The following FRYL variants were observed in gnomAD, a reference collection of about 807,000 sequenced individuals.
The protein encoded by FRYL is protein furry homolog-like.
In FRYL, 150 loss-of-function variants were observed where a neutral mutation model predicts 351.2. The ratio of observed to expected loss-of-function variants is 0.43; its 90% confidence interval spans 0.37 to 0.49. FRYL has a LOEUF of 0.49. Ranked by LOEUF, FRYL falls within the 20% of genes least tolerant of loss-of-function variation. FRYL has a pLI of 0.00. For synonymous variants in FRYL, 1,153 were observed against 1,257.1 expected, an observed-to-expected ratio of 0.92 and a Z score of 1.75; for missense variants, 3,036 against 3,619.3, an observed-to-expected ratio of 0.84 and a Z score of 4.13.
intron 3 of FRYL, among the ~76,000 whole-genome samples, chr4:48,674,036 T>C (rs1763147770): frequency 6.6e-6 from 1 of 152,260 alleles, no homozygotes; most frequent in South Asian, 2.1e-4. Flanking sequence ...AAATGTATCA[T>C]TGTCTCTGTT....
At chr4:48,596,376 T>C (rs10030853) in intron 13 of FRYL, among the ~76,000 whole-genome samples, 78,123 of 151,968 alleles carry the variant, frequency 0.51, 20,550 homozygotes, top group South Asian at 0.62. Flanking sequence ...AATTCATTTG[T>C]AGCCCATATA....
intron 5 of FRYL, 41 bp from the exon 6 acceptor site, chr4:48,620,819 T>C: frequency 6.4e-7 from 1 of 1,550,884 alleles, no homozygotes; most frequent in African/African-American, 1.4e-5. Flanking sequence ...ATTGTAACAC[T>C]GAATGTACCA....
chr4:48,514,825 G>A (rs1040780203), intron 56 of FRYL, among the ~76,000 whole-genome samples: 11 of 152,140 alleles, frequency 7.2e-5, no homozygotes, highest in African/African-American at 2.2e-4. Context: ...GTCCATAATC[G>A]AAGAAATATC....
chr4:48,563,935 G>A lies in FRYL; in HGVS notation c.3596+13C>T, dbSNP rs1216303976. On this transcript the variant is annotated intron_variant, in intron 31 of 63. Coordinates refer to ENST00000358350, the MANE Select transcript of FRYL (RefSeq NM_015030.2). ...CAGAACAAAATGAAACAAAAAACCT[G>A]TATCTAAAGTACCTGTTCTGGAAAA... 1.3e-6 allele frequency: 2 copies of A among 1,597,436 alleles called. No individual in the cohort carries two copies. The highest frequency in any genetic ancestry group is 2.2e-5 in the East Asian group (1 of 44,812).
rs1553983293 is a variant in FRYL at position 48,702,773 on chromosome 4, A to AAAAAAAG, written c.-204+7745_-204+7746insCTTTTTT. 5.7e-5 allele frequency among the ~76,000 whole-genome samples: 8 copies of AAAAAAAG among 139,278 alleles called. 1 individual carries two copies. Among genetic ancestry groups the AAAAAAAG allele is most frequent in the African/African-American group, 1.1e-4 (4 of 37,404 alleles). 91.4% of individuals were successfully genotyped at this position (139,278 alleles called of 152,430 possible). A position where few individuals can be genotyped will look rare whatever the true frequency, so the allele number is the denominator to read the frequency against. ...AAGACTCCGTCTCAAAAAAAAAAAA[A>AAAAAAAG]AAAGAAAAAGAAAGAAAAGAAAAAA... On this transcript the variant is annotated intron_variant, in intron 2 of 63. Coordinates refer to ENST00000358350, the MANE Select transcript of FRYL (RefSeq NM_015030.2).
chr4:48,585,363 T>C (rs770235391), intron 19 of FRYL, among the ~76,000 whole-genome samples: 2 of 152,056 alleles, frequency 1.3e-5, no homozygotes, highest in Non-Finnish European at 2.9e-5. Context: ...CAGGCAACAG[T>C]TGAGGATAAT....
At chr4:48,738,169 T>G (rs1321678125) in intron 1 of FRYL, among the ~76,000 whole-genome samples, 1 of 152,212 alleles carries the variant, frequency 6.6e-6, no homozygotes, top group African/African-American at 2.4e-5. Flanking sequence ...AAAACTGTGT[T>G]TGTTCACAGA....
intron 1 of FRYL, among the ~76,000 whole-genome samples, chr4:48,763,983 A>C (rs1466001359): frequency 6.6e-6 from 1 of 152,040 alleles, no homozygotes; most frequent in South Asian, 2.1e-4. Context: ...AGCCTGGCCA[A>C]TGTGGTGAAA....
At chr4:48,589,555 T>G (rs1051888685) in intron 18 of FRYL, among the ~76,000 whole-genome samples, 190 bp downstream of exon 18, 4 of 152,062 alleles carry the variant, frequency 2.6e-5, no homozygotes, top group African/African-American at 9.7e-5. Flanking sequence ...AGTTTTGCTA[T>G]CTATACCAGT....
Position 48,690,352 on chromosome 4 carries a change from C to T in FRYL, c.-203-5557G>A, listed in dbSNP as rs1450787955. ...CATGAATTTCTGGACTATCAGATTACCCATTATCAACATGGTTTTCCTAGA... is the reference window on the plus strand; with the variant it reads ...CATGAATTTCTGGACTATCAGATTATCCATTATCAACATGGTTTTCCTAGA... On this transcript the variant is annotated intron_variant, in intron 2 of 63. Transcript: ENST00000358350. Among the ~76,000 whole-genome samples the T allele has an allele frequency of 2.6e-5, 4 of 152,136 alleles. No individual in the cohort carries two copies. The South Asian group carries it at 6.2e-4, about 24-fold the overall frequency.
chr4:48,516,365 C>A (rs1723597582), intron 55 of FRYL, among the ~76,000 whole-genome samples: 1 of 152,040 alleles, frequency 6.6e-6, no homozygotes, highest in Non-Finnish European at 1.5e-5. Flanking sequence ...GAATGAGCTG[C>A]TACTATCAAA....
intron 59 of FRYL, among the ~76,000 whole-genome samples, chr4:48,507,525 C>T (rs1721407583): frequency 1.3e-5 from 1 of 74,932 alleles, no homozygotes; most frequent in South Asian, 6.2e-4. Context: ...CCAAAACTCA[C>T]TCAAACAAAC....
At chr4:48,587,684 C>T (rs549003289) in intron 18 of FRYL, among the ~76,000 whole-genome samples, 83 of 152,180 alleles carry the variant, frequency 5.5e-4, no homozygotes, top group African/African-American at 1.9e-3. Flanking sequence ...GCTGGGATTA[C>T]AGGCGCCTGC....
At chr4:48,535,562 T>C (rs1728685171) in intron 48 of FRYL, 95 bp downstream of exon 48, 1 of 589,210 alleles carries the variant, frequency 1.7e-6, no homozygotes, top group Non-Finnish European at 2.5e-6. Flanking sequence ...AGTTAAAATA[T>C]ATATATGTGT....
At chr4:48,668,872 G>C (rs967434288) in intron 3 of FRYL, among the ~76,000 whole-genome samples, 5 of 152,190 alleles carry the variant, frequency 3.3e-5, no homozygotes, top group Non-Finnish European at 5.9e-5. Flanking sequence ...TTGTATCTGG[G>C]TGGGGTTAAC....
intron 19 of FRYL, among the ~76,000 whole-genome samples, chr4:48,586,400 T>G (rs1742117888): frequency 1.3e-5 from 2 of 149,734 alleles, no homozygotes; most frequent in Non-Finnish European, 3.0e-5. Context: ...ATAGGATTTG[T>G]GGGGGGAATC....
chr4:48,714,873 A>G (rs1222295360), intron 1 of FRYL, among the ~76,000 whole-genome samples: 4 of 148,736 alleles, frequency 2.7e-5, no homozygotes, highest in South Asian at 4.3e-4. Context: ...AAAATCCTCA[A>G]TAAAATACTG....
chr4:48,655,614 T>A (rs1758686604), intron 3 of FRYL, among the ~76,000 whole-genome samples: 1 of 149,262 alleles, frequency 6.7e-6, no homozygotes, highest in African/African-American at 2.4e-5. Context: ...ATTCAGGAAA[T>A]AAGCCAATTT....
intron 4 of FRYL, among the ~76,000 whole-genome samples, chr4:48,625,298 T>G (rs1378408312): frequency 1.3e-5 from 2 of 152,104 alleles, no homozygotes; most frequent in Non-Finnish European, 2.9e-5. Context: ...TGTATACACA[T>G]TTGCAAAGAG....
Sources: gnomAD v4.1 joint callset for allele counts (sites outside exome capture counted in the v4.1 genomes callset) on GRCh38, gnomAD v4.1.1 for gene constraint, MANE v1.5 for transcripts, NCBI Gene and HGNC (gene_info 2026-07-23, HGNC 2026-07-21) for gene names.